Variants in ROBO1 observed in about 807,000 individuals in gnomAD.
ROBO1 encodes roundabout homolog 1.
Under a neutral mutation model 195.9 loss-of-function variants are expected in ROBO1, and 149 were observed. The ratio of observed to expected loss-of-function variants is 0.76; its 90% CI spans 0.67 to 0.87. The LOEUF (loss-of-function observed/expected upper bound fraction) is 0.87, where lower values mean the gene tolerates loss of function less well. ROBO1 is among the 40% of genes least tolerant of loss of function. The pLI, the probability that ROBO1 is intolerant of heterozygous loss-of-function variation, is 0.00. For missense variants in ROBO1, 1,933 were observed against 2,068.3 expected, an observed-to-expected ratio of 0.93 and a Z score of 1.27; for synonymous variants, 816 against 733.2, an observed-to-expected ratio of 1.11 and a Z score of -1.82.
chr3:78,616,298 G>T (rs1042333662), intron 27 of ROBO1, among the ~76,000 whole-genome samples: 35 of 152,106 alleles, frequency 2.3e-4, no homozygotes, highest in African/African-American at 8.4e-4. Context: ...CGTATGTAAA[G>T]TTAGATGTTA....
chr3:79,597,129 G>A (rs1286564226), intron 1 of ROBO1, among the ~76,000 whole-genome samples: 5 of 88,584 alleles, frequency 5.6e-5, no homozygotes, highest in Admixed American at 2.0e-4. Flanking sequence ...GTGCATGCAC[G>A]TGTGTGTGTG....
At chr3:78,950,826 G>A (rs2040737970) in intron 3 of ROBO1, among the ~76,000 whole-genome samples, 1 of 151,914 alleles carries the variant, frequency 6.6e-6, no homozygotes, top group Non-Finnish European at 1.5e-5. Context: ...AATAAATGGA[G>A]ATATAAAGCT....
intron 26 of ROBO1, among the ~76,000 whole-genome samples, chr3:78,619,547 A>C (rs1704325835): frequency 6.6e-6 from 1 of 151,512 alleles, no homozygotes; most frequent in African/African-American, 2.4e-5. Flanking sequence ...ATCCTCATCT[A>C]GTTTTCCCTT....
intron 1 of ROBO1, among the ~76,000 whole-genome samples, chr3:79,750,935 A>C (rs1265830377): frequency 6.6e-6 from 1 of 152,228 alleles, no homozygotes; most frequent in Non-Finnish European, 1.5e-5. Context: ...TGTGGCTAAA[A>C]TAAACAAACC....
chr3:79,562,898 C>G (rs1279234503), intron 2 of ROBO1, among the ~76,000 whole-genome samples: 4 of 151,752 alleles, frequency 2.6e-5, no homozygotes, highest in Non-Finnish European at 5.9e-5. Flanking sequence ...TGTGAAAATA[C>G]CTAAAGCATA....
intron 1 of ROBO1, among the ~76,000 whole-genome samples, chr3:79,625,737 G>T (rs1945157396): frequency 6.6e-6 from 1 of 152,062 alleles, no homozygotes; most frequent in Non-Finnish European, 1.5e-5. Context: ...ACCAAAAAAA[G>T]ACGAGGACCA....
chr3:79,369,195 A>G (rs2036094371), intron 2 of ROBO1, among the ~76,000 whole-genome samples: 1 of 152,178 alleles, frequency 6.6e-6, no homozygotes, highest in South Asian at 2.1e-4. Context: ...AGACAGAGAG[A>G]GCCACAAAAC....
At chr3:79,237,100 AAAGC>A (rs2082421239) in intron 2 of ROBO1, among the ~76,000 whole-genome samples, 2 of 152,218 alleles carry the variant, frequency 1.3e-5, no homozygotes, top group African/African-American at 4.8e-5. Context: ...AAAAACAAGA[AAAGC>A]AAGCAAGTAG....
intron 2 of ROBO1, among the ~76,000 whole-genome samples, chr3:79,271,793 T>A (rs1485772485): frequency 1.3e-5 from 2 of 152,086 alleles, no homozygotes; most frequent in African/African-American, 2.4e-5. Context: ...CTGGCACATT[T>A]GAGTTACTGA....
intron 28 of ROBO1, 44 bp downstream of exon 28, chr3:78,614,603 AT>A: frequency 6.2e-7 from 1 of 1,602,840 alleles, no homozygotes; most frequent in Non-Finnish European, 8.5e-7. Context: ...GGCAGGGTAA[AT>A]AGGCGAGATT....
chr3:78,716,414 C>T (rs61053911), intron 7 of ROBO1, among the ~76,000 whole-genome samples: 36,911 of 151,802 alleles, frequency 0.24, 4,559 homozygotes, highest in African/African-American at 0.28. Context: ...AAATGCCAGA[C>T]GCTTATAAAA....
intron 5 of ROBO1, among the ~76,000 whole-genome samples, chr3:78,721,001 G>C (rs2082031560): frequency 6.6e-6 from 1 of 150,948 alleles, no homozygotes. Flanking sequence ...TAACGTAAAT[G>C]ATGAGTTGAT....
intron 1 of ROBO1, among the ~76,000 whole-genome samples, chr3:79,694,386 A>G (rs1285291409): frequency 6.6e-6 from 1 of 151,828 alleles, no homozygotes; most frequent in African/African-American, 2.4e-5. Flanking sequence ...TTTTTAGCTA[A>G]ATTTCTACTT....
intron 2 of ROBO1, among the ~76,000 whole-genome samples, chr3:79,129,422 T>C (rs1004820622): frequency 2.1e-4 from 32 of 152,114 alleles, no homozygotes; most frequent in African/African-American, 7.5e-4. Flanking sequence ...AAATTAGTAA[T>C]TACATACATA....
intron 2 of ROBO1, among the ~76,000 whole-genome samples, chr3:79,541,829 GTA>G (rs59303805): frequency 0.19 from 11,195 of 57,794 alleles, 450 homozygotes; most frequent in East Asian, 0.29. Context: ...GTGTGTGTGT[GTA>G]TATATATATA....
intron 2 of ROBO1, among the ~76,000 whole-genome samples, chr3:79,228,889 C>G (rs2082272081): frequency 6.6e-6 from 1 of 152,002 alleles, no homozygotes; most frequent in South Asian, 2.1e-4. Flanking sequence ...GAAAAAAAAT[C>G]AGTTAATAAA....
chr3:79,092,012 G>C (rs560862691), intron 3 of ROBO1, among the ~76,000 whole-genome samples: 1 of 152,250 alleles, frequency 6.6e-6, no homozygotes, highest in East Asian at 1.9e-4. Flanking sequence ...TTGTTTGCTT[G>C]GTTGAGAATA....
At chr3:79,089,772 A>G (rs1221604271) in intron 3 of ROBO1, among the ~76,000 whole-genome samples, 1 of 152,170 alleles carries the variant, frequency 6.6e-6, no homozygotes, top group East Asian at 1.9e-4. Flanking sequence ...AAATAGATGA[A>G]CGCATTTGCA....
At chr3:78,652,654 G>A (rs1366764647) in intron 18 of ROBO1, among the ~76,000 whole-genome samples, 1 of 152,068 alleles carries the variant, frequency 6.6e-6, no homozygotes, top group African/African-American at 2.4e-5. Flanking sequence ...TAATCATGGC[G>A]AGCAACAGAT....
Sources: gnomAD v4.1 joint callset for allele counts (sites outside exome capture counted in the v4.1 genomes callset) on GRCh38, gnomAD v4.1.1 for gene constraint, MANE v1.5 for transcripts, NCBI Gene and HGNC (gene_info 2026-07-23, HGNC 2026-07-21) for gene names.